TRAF3IP1: variants seen among roughly 807,000 people sequenced by gnomAD.
TRAF3IP1 encodes intraflagellar transport 54.
In TRAF3IP1, 53 loss-of-function variants were observed where a neutral mutation model predicts 89.9. The ratio of observed to expected loss-of-function variants is 0.59; its 90% CI spans 0.47 to 0.74. TRAF3IP1 has a LOEUF of 0.74. Among genes scored for constraint, TRAF3IP1 ranks in the 30% least tolerant of loss-of-function variants. The probability of loss-of-function intolerance (pLI) is 0.00; values close to 1 mark genes in which losing one functional copy is unlikely to be tolerated. For missense variants in TRAF3IP1, 806 were observed against 866.1 expected (o/e 0.93, Z 0.87); for synonymous variants, 311 against 322.1 (o/e 0.97, Z 0.37).
In TRAF3IP1 at chr2:238,320,642, C is replaced by T; in HGVS notation, c.-21C>T. On this transcript the variant is annotated 5_prime_UTR_variant, in exon 1 of 17. Coordinates refer to ENST00000373327, the MANE Select transcript of TRAF3IP1 (RefSeq NM_015650.4). ...AGGCCGGCTGAGGGGCGCGGGCGGC[C>T]AGCGGGCGGCGGACGCCGTCATGAA... 7.6e-7 allele frequency: 1 copy of T among 1,321,896 alleles called. No homozygotes were observed. Among genetic ancestry groups the T allele is most frequent in the East Asian group, 3.7e-5 (1 of 27,140 alleles). The allele number at this position is 1,321,896 out of a possible 1,614,324, so 81.9% of individuals were successfully genotyped here.
At position 238,375,472 on chromosome 2, in the gene TRAF3IP1, T is replaced by C. The variant is rs1346710052; in HGVS notation, c.1689+19392T>C. ...AGTTTCTTAATCCTGAGTTCTAATT[T>C]GATTGCACTATGGTCTGAGAGACAG... is the stretch of plus-strand genomic sequence containing the variant. On this transcript the variant is annotated intron_variant, in intron 15 of 16. Coordinates refer to ENST00000373327, the MANE Select transcript of TRAF3IP1 (RefSeq NM_015650.4). 2.0e-5 allele frequency among the ~76,000 whole-genome samples: 3 copies of C among 152,252 alleles called. 1 individual carries two copies. Among genetic ancestry groups the C allele is most frequent in the Admixed American group, 2.0e-4 (3 of 15,288 alleles).
chr2:238,336,101 C>G (rs1311242110), intron 7 of TRAF3IP1, among the ~76,000 whole-genome samples: 1 of 152,106 alleles, frequency 6.6e-6, no homozygotes, highest in Non-Finnish European at 1.5e-5. Flanking sequence ...CTGTTGTTGC[C>G]TCTTAATCCA....
In TRAF3IP1 at chr2:238,329,034, A is replaced by G; in HGVS notation, c.607A>G (p.Lys203Glu). The G allele has an allele frequency of 6.4e-7, 1 of 1,551,828 alleles. No individual in the cohort carries two copies. ...AAGAGAAAAGGACAAGGACAAGGAG[A>G]AGGCCAAGGAGAATGGCGGAAACAG... ...KPREKDKDKE[K>E]AKENGGNRHR... is the part of the protein sequence containing the mutation. Residue 203 changes from lysine (K) to glutamate (E), a missense_variant, in exon 5 of 17, where the codon AAG becomes GAG. By Grantham distance (56) the Lys-to-Glu change is moderately conservative. Around this residue, in one of 3 missense-constraint regions of TRAF3IP1, gnomAD observed 732 missense variants for 780.5 expected, o/e 0.94. Coordinates refer to ENST00000373327, the MANE Select transcript of TRAF3IP1 (RefSeq NM_015650.4).
rs1163620861 is a variant in TRAF3IP1 at position 238,379,840 on chromosome 2, A to G, written c.1690-17619A>G. Among the ~76,000 whole-genome samples, 1 of 152,250 alleles carries G rather than the reference A, an allele frequency of 6.6e-6. No individual in the cohort carries two copies. Among genetic ancestry groups the G allele is most frequent in the Admixed American group, 6.5e-5 (1 of 15,276 alleles). On this transcript the variant is annotated intron_variant, in intron 15 of 16. Transcript: ENST00000373327. The surrounding 1 kb of genome is among the most constrained non-coding windows in gnomAD (Gnocchi z 4.0). ...GTAGCAATAGGCTCAATAGAAAATG[A>G]TTAATATTTTAGTAAGACATTTAAA...
chr2:238,338,262 G>A, intron 7 of TRAF3IP1, 100 bp from the exon 8 acceptor site: 1 of 633,128 alleles, frequency 1.6e-6, no homozygotes, highest in Non-Finnish European at 2.6e-6. Flanking sequence ...CAGTTTGCTG[G>A]TGACCTTGGT....
Position 238,326,353 on chromosome 2 carries a change from C to T in TRAF3IP1, c.354+383C>T, listed in dbSNP as rs536815274. ...CTTCCAGCCAGGGCTGCAGTGGCTG[C>T]AGGAGCTGCTTTTCTTCTTCCCTGG... On this transcript the variant is annotated intron_variant, in intron 3 of 16. Transcript: ENST00000373327. Among the ~76,000 whole-genome samples the T allele has an allele frequency of 2.0e-5, 3 of 152,264 alleles. No homozygotes were observed. In the South Asian group the frequency reaches 6.2e-4, roughly 32 times the overall value.
At chr2:238,328,250 G>T (rs7594206) in intron 3 of TRAF3IP1, among the ~76,000 whole-genome samples, 17,752 of 152,098 alleles carry the variant, frequency 0.12, 1,761 homozygotes, top group African/African-American at 0.27. Flanking sequence ...CAATGCTTGT[G>T]GTTTTGTGTG....
At chr2:238,367,235 T>C (rs1699922809) in intron 15 of TRAF3IP1, among the ~76,000 whole-genome samples, 2 of 144,366 alleles carry the variant, frequency 1.4e-5, no homozygotes, top group African/African-American at 2.6e-5. Flanking sequence ...TTTAGTCACA[T>C]TGACTACTAA....
Position 238,360,718 on chromosome 2 carries a change from A to G in TRAF3IP1, c.1689+4638A>G, listed in dbSNP as rs549721555. On this transcript the variant is annotated intron_variant, in intron 15 of 16. Transcript: ENST00000373327. ...CTAATGGTGAAACTTTGTCTCTACTAAAAATACAAAAAATTAGCTGGGCAT... is the reference window on the plus strand; with the variant it reads ...CTAATGGTGAAACTTTGTCTCTACTGAAAATACAAAAAATTAGCTGGGCAT... 9.9e-5 allele frequency among the ~76,000 whole-genome samples: 15 copies of G among 152,152 alleles called. No individual in the cohort carries two copies. In the East Asian group the frequency reaches 2.5e-3, roughly 26 times the overall value.
At chr2:238,331,525 A>G (rs1450259711) in intron 5 of TRAF3IP1, among the ~76,000 whole-genome samples, 1 of 152,186 alleles carries the variant, frequency 6.6e-6, no homozygotes, top group South Asian at 2.1e-4. Context: ...ATATTTGGGA[A>G]CATATCAGAG....
At chr2:238,323,097 T>TA (rs747346158) in intron 1 of TRAF3IP1, among the ~76,000 whole-genome samples, 25 of 151,260 alleles carry the variant, frequency 1.7e-4, no homozygotes, top group Non-Finnish European at 2.4e-4. Context: ...TTTTTTTTTT[T>TA]AGAGGGATTC....
chr2:238,361,195 C>CTA lies in TRAF3IP1; in HGVS notation c.1689+5115_1689+5116insTA, dbSNP rs370994983. On this transcript the variant is annotated intron_variant, in intron 15 of 16. Transcript: ENST00000373327. ...CCGAGTAGCTGGGACTACAGGCACA[C>CTA]GCTACCACACCTGGCTAATTTTTGT... Among the ~76,000 whole-genome samples the CTA allele has an allele frequency of 2.8e-4, 42 of 151,744 alleles. 1 individual carries two copies. Among genetic ancestry groups the CTA allele is most frequent in the African/African-American group, 9.4e-4 (39 of 41,414 alleles).
chr2:238,327,069 A>C (rs1209235248), intron 3 of TRAF3IP1, among the ~76,000 whole-genome samples: 1 of 152,190 alleles, frequency 6.6e-6, no homozygotes, highest in Non-Finnish European at 1.5e-5. Flanking sequence ...AGGCTCCTAG[A>C]GACCTGCTGC....
intron 8 of TRAF3IP1, among the ~76,000 whole-genome samples, chr2:238,338,845 G>A (rs1281362584): frequency 2.6e-5 from 4 of 152,196 alleles, no homozygotes; most frequent in African/African-American, 9.7e-5. Context: ...TGTTTAAAGT[G>A]CTAGTTAGGC....
intron 12 of TRAF3IP1, among the ~76,000 whole-genome samples, chr2:238,349,904 C>T (rs1204322041): frequency 6.6e-6 from 1 of 152,074 alleles, no homozygotes; most frequent in Admixed American, 6.6e-5. Flanking sequence ...ACCCCCGTCT[C>T]TACTAAAAAT....
intron 10 of TRAF3IP1, among the ~76,000 whole-genome samples, chr2:238,347,993 T>C (rs1698973967): frequency 6.6e-6 from 1 of 152,198 alleles, no homozygotes; most frequent in Non-Finnish European, 1.5e-5. Context: ...CATTTCAGGA[T>C]TTTTTTCCAG....
At chr2:238,339,181 C>T (rs1698520852) in intron 8 of TRAF3IP1, among the ~76,000 whole-genome samples, 1 of 152,212 alleles carries the variant, frequency 6.6e-6, no homozygotes, top group Admixed American at 6.5e-5. Context: ...GTGCGTTCCC[C>T]TGAGAGCTGG....
rs896836899 is a variant in TRAF3IP1 at position 238,396,328 on chromosome 2, A to C, written c.1690-1131A>C. Among the ~76,000 whole-genome samples, 81 of 138,542 alleles carry C rather than the reference A, an allele frequency of 5.8e-4. 1 individual carries two copies. The highest frequency in any genetic ancestry group is 2.2e-3 in the African/African-American group (81 of 36,970). 90.9% of individuals were successfully genotyped at this position (138,542 alleles called of 152,430 possible). A position where few individuals can be genotyped will look rare whatever the true frequency, so the allele number is the denominator to read the frequency against. ...CTCACTCATAGGTGGGAATTGAACA[A>C]TGAGAACACATGGACACAGGAAGGG... On this transcript the variant is annotated intron_variant, in intron 15 of 16. Transcript: ENST00000373327.
chr2:238,350,862 G>A (rs1174960558), intron 12 of TRAF3IP1, among the ~76,000 whole-genome samples: 1 of 152,024 alleles, frequency 6.6e-6, no homozygotes, highest in Non-Finnish European at 1.5e-5. Context: ...AACAGGGCTC[G>A]GCTGTGCCAA....
Sources: allele counts gnomAD v4.1 joint callset (sites outside exome capture counted in the v4.1 genomes callset), GRCh38; gene constraint gnomAD v4.1.1; regional missense constraint gnomAD v4.1.1; non-coding constraint Gnocchi (gnomAD v3.1); transcripts MANE v1.5; gene names NCBI Gene and HGNC (gene_info 2026-07-23, HGNC 2026-07-21).